KIAA1549: variants seen among roughly 807,000 people sequenced by gnomAD.
KIAA1549 encodes KIAA1549, also known as UPF0606 protein KIAA1549.
In KIAA1549, 70 loss-of-function variants were observed where a neutral mutation model predicts 156.4. The observed-to-expected ratio is 0.45, with a 90% CI of 0.37 to 0.55. KIAA1549 has a LOEUF of 0.55. Among genes scored for constraint, KIAA1549 ranks in the 20% least tolerant of loss-of-function variants. The pLI is 0.00. For missense variants in KIAA1549, 2,428 were observed against 2,540.9 expected, an observed-to-expected ratio of 0.96 and a Z score of 0.96; for synonymous variants, 1,103 against 1,066.4, an observed-to-expected ratio of 1.03 and a Z score of -0.67.
At position 138,831,416 on chromosome 7, in the gene KIAA1549, A is replaced by G. The variant is rs556052853; in HGVS notation, c.*6490T>C. 2 of 198,502 alleles carry G rather than the reference A, an allele frequency of 1.0e-5. No homozygotes were observed. The highest frequency in any genetic ancestry group is 2.1e-5 in the Non-Finnish European group (2 of 96,078). The allele number at this position is 198,502 out of a possible 1,614,324, so 12.3% of individuals were successfully genotyped here. A position where few individuals can be genotyped will look rare whatever the true frequency, so the allele number is the denominator to read the frequency against. ...ATTCATAGCATTTATTGACATTTCC[A>G]TTTAAAATGCTAGGAAAGCTGTATA... is the stretch of plus-strand genomic sequence containing the variant. On this transcript the variant is annotated 3_prime_UTR_variant, in exon 20 of 20. Coordinates refer to ENST00000422774, the MANE Select transcript of KIAA1549 (RefSeq NM_001164665.2).
At chr7:138,905,344 T>C (rs1297246293) in intron 6 of KIAA1549, among the ~76,000 whole-genome samples, 5 of 152,232 alleles carry the variant, frequency 3.3e-5, no homozygotes, top group African/African-American at 1.2e-4. Flanking sequence ...CAAGTTCTCC[T>C]TTGAATGTCA....
rs186365916 is a variant in KIAA1549 at position 138,835,230 on chromosome 7, A to G, written c.*2676T>C. 5.1e-5 allele frequency: 11 copies of G among 214,766 alleles called. No individual in the cohort carries two copies. The highest frequency in any genetic ancestry group is 2.0e-4 in the African/African-American group (9 of 44,366). The allele number at this position is 214,766 out of a possible 1,614,324, so 13.3% of individuals were successfully genotyped here. A position where few individuals can be genotyped will look rare whatever the true frequency, so the allele number is the denominator to read the frequency against. On this transcript the variant is annotated 3_prime_UTR_variant, in exon 20 of 20. Transcript: ENST00000422774. ...CAGCTAGTTTTTTCTGAGTTTGGTG[A>G]CTGGCAAAACTGTTGTGGCAGGCGT...
At chr7:138,908,249 T>G (rs1163836458) in intron 5 of KIAA1549, among the ~76,000 whole-genome samples, 2 of 151,410 alleles carry the variant, frequency 1.3e-5, no homozygotes, top group Non-Finnish European at 2.9e-5. Flanking sequence ...AGGAATGACT[T>G]AGGAAACAGA....
At chr7:138,958,559 G>A (rs1245362385) in intron 1 of KIAA1549, among the ~76,000 whole-genome samples, 2 of 152,144 alleles carry the variant, frequency 1.3e-5, no homozygotes, top group South Asian at 4.1e-4. Flanking sequence ...AAAGTTCTAT[G>A]ACTCAGGAGC....
chr7:138,913,580 A>C (rs926303734), intron 2 of KIAA1549, among the ~76,000 whole-genome samples: 1 of 152,248 alleles, frequency 6.6e-6, no homozygotes, highest in East Asian at 1.9e-4. Context: ...TTTTTAAAGT[A>C]GAGACAGAAT....
intron 16 of KIAA1549, 145 bp from the exon 17 acceptor site, chr7:138,852,414 TGCCAC>T (rs984370772): frequency 5.1e-5 from 29 of 573,134 alleles, no homozygotes; most frequent in Admixed American, 2.2e-4. Context: ...CCGGGCACTC[TGCCAC>T]CAAGTGATGC....
At chr7:138,950,781 T>C (rs980297822) in intron 1 of KIAA1549, among the ~76,000 whole-genome samples, 2 of 152,162 alleles carry the variant, frequency 1.3e-5, no homozygotes. Context: ...TCCAGGACTC[T>C]GGATCTCCCC....
Position 138,832,009 on chromosome 7 carries a change from C to T in KIAA1549, c.*5897G>A, listed in dbSNP as rs1809546415. ...AACAGTACAGCATATGCGACTTGAA[C>T]TTGGCCCTGTACTATTCCCAACTTG... On this transcript the variant is annotated 3_prime_UTR_variant, in exon 20 of 20. Coordinates refer to ENST00000422774, the MANE Select transcript of KIAA1549 (RefSeq NM_001164665.2). 2 of 231,616 alleles carry T rather than the reference C, an allele frequency of 8.6e-6. No homozygotes were observed. Among genetic ancestry groups the T allele is most frequent in the South Asian group, 1.8e-4 (1 of 5,514 alleles). The allele number at this position is 231,616 out of a possible 1,614,324, so 14.3% of individuals were successfully genotyped here. A position where few individuals can be genotyped will look rare whatever the true frequency, so the allele number is the denominator to read the frequency against.
chr7:138,931,748 A>G (rs111830200), intron 1 of KIAA1549, among the ~76,000 whole-genome samples: 6,509 of 111,694 alleles, frequency 0.058, 214 homozygotes, highest in African/African-American at 0.15. Flanking sequence ...CAAAAGTCCC[A>G]TCTCAAAAAA....
chr7:138,926,139 G>T (rs1287314189), intron 1 of KIAA1549, among the ~76,000 whole-genome samples: 2 of 152,158 alleles, frequency 1.3e-5, no homozygotes, highest in Non-Finnish European at 2.9e-5. Context: ...AAAACATGAT[G>T]AGTCATCTCA....
chr7:138,840,218 A>T lies in KIAA1549; in HGVS notation c.5513T>A (p.Val1838Glu). ...GIASRIGAQP[V>E]EIPPSRGSQY... ...GCTGCCTCTGCTTGGCGGGATTTCC[A>T]CTGGCTGAGCTCCAATTCTGCTGGC... The change falls in exon 19 of 20, where the codon GTG becomes GAG. Residue 1838 changes from valine to glutamate, a missense_variant. By Grantham distance (121) the Val-to-Glu change is moderately radical (BLOSUM62 -2). This residue lies in a region of KIAA1549 where 363 missense variants were observed against 354.0 expected (regional missense o/e 1.03). Coordinates refer to ENST00000422774, the MANE Select transcript of KIAA1549 (RefSeq NM_001164665.2). The T allele has an allele frequency of 6.3e-7, 1 of 1,582,168 alleles. No individual in the cohort carries two copies. The highest frequency in any genetic ancestry group is 8.6e-7 in the Non-Finnish European group (1 of 1,164,240).
At position 138,919,130 on chromosome 7, in the gene KIAA1549, A is replaced by T. The variant is rs1812458779; in HGVS notation, c.496T>A (p.Trp166Arg). Residue 166 changes from tryptophan (W) to arginine (R), a missense_variant, in exon 2 of 20, where the codon TGG becomes AGG. This residue lies in a region of KIAA1549 where 893 missense variants were observed against 847.9 expected (regional missense o/e 1.05). Transcript: ENST00000422774. ...EMDNFLPDTHWTTPRMVSPIQ... is the reference protein window; with the variant it reads ...EMDNFLPDTHRTTPRMVSPIQ... Reference sequence around the variant, plus strand: ...GGAGAAACCATCCGTGGAGTGGTCCAGTGAGTATCTGGCAGAAAGTTATCC... The same window carrying T: ...GGAGAAACCATCCGTGGAGTGGTCCTGTGAGTATCTGGCAGAAAGTTATCC... 1 of 1,613,922 alleles carries T rather than the reference A, an allele frequency of 6.2e-7. No individual in the cohort carries two copies. The highest frequency in any genetic ancestry group is 1.1e-5 in the South Asian group (1 of 91,086).
chr7:138,939,972 C>A lies in KIAA1549; in HGVS notation c.188-20534G>T, dbSNP rs111750399. ...GACCAGCCTGGGCAACATAGCAAGA[C>A]CCCATTTCTACAAAAAAAATTTTTT... On this transcript the variant is annotated intron_variant, in intron 1 of 19. Coordinates refer to ENST00000422774, the MANE Select transcript of KIAA1549 (RefSeq NM_001164665.2). Among the ~76,000 whole-genome samples the A allele has an allele frequency of 5.9e-3, 902 of 152,114 alleles. 7 individuals are homozygous for A. The highest frequency in any genetic ancestry group is 0.02 in the African/African-American group (833 of 41,498).
chr7:138,909,853 A>G (rs1034520024), intron 4 of KIAA1549, among the ~76,000 whole-genome samples: 7 of 152,056 alleles, frequency 4.6e-5, no homozygotes, highest in Non-Finnish European at 1.0e-4. Flanking sequence ...AGGCTCAGGC[A>G]AGAGAATTGC....
At chr7:138,860,330 T>C (rs927941283) in intron 16 of KIAA1549, among the ~76,000 whole-genome samples, 4 of 152,192 alleles carry the variant, frequency 2.6e-5, no homozygotes, top group African/African-American at 4.8e-5. Context: ...GCTCTTACTT[T>C]GAAAATTCAA....
In KIAA1549 at chr7:138,903,444, T is replaced by C. The variant is rs575416501; in HGVS notation, c.3669+144A>G. The C allele has an allele frequency of 8.9e-5, 72 of 809,378 alleles. 4 individuals carry two copies. The African/African-American group carries it at 1.1e-3, about 13-fold the overall frequency. 50.1% of individuals were successfully genotyped at this position (809,378 alleles called of 1,614,324 possible). A position where few individuals can be genotyped will look rare whatever the true frequency, so the allele number is the denominator to read the frequency against. On this transcript the variant is annotated intron_variant, in intron 8 of 19. Transcript: ENST00000422774. The stretch of plus-strand genomic sequence containing the variant: ...GCTGCCAGATTCAGTGGCTACCCAA[T>C]ATAGCGATCAGTGGAAATCAGAAAT...
chr7:138,979,216 C>G lies in KIAA1549; in HGVS notation c.187+1867G>C, dbSNP rs1490881799. Among the ~76,000 whole-genome samples the G allele has an allele frequency of 2.6e-5, 4 of 152,278 alleles. No homozygotes were observed. The South Asian group carries it at 8.3e-4, about 32-fold the overall frequency. ...TGGAAATATTATTAATTTCATGTCT[C>G]CAGGTTGAATATTTGTATTGGGGGT... On this transcript the variant is annotated intron_variant, in intron 1 of 19. Coordinates refer to ENST00000422774, the MANE Select transcript of KIAA1549 (RefSeq NM_001164665.2).
rs781559902 is a variant in KIAA1549, at chr7:138,918,928, C to T, written c.698G>A (p.Arg233Gln). Reference protein sequence around the residue: ...AESASHFHTFRSAFRTSEGIV... With the variant: ...AESASHFHTFQSAFRTSEGIV... ...GCCCTCAGAGGTGCGAAAAGCTGAC[C>T]GAAAGGTGTGGAAATGACTGGCGGA... The change falls in exon 2 of 20, where the codon CGG becomes CAG. Residue 233 changes from arginine (R) to glutamine (Q), a missense_variant. Arg to Gln is a conservative substitution (Grantham distance 43). Around this residue, in one of 5 missense-constraint regions of KIAA1549, gnomAD observed 893 missense variants for 847.9 expected, o/e 1.05. Transcript: ENST00000422774. This position sits in a 1 kb window ranked among gnomAD's most constrained non-coding sequence, Gnocchi z 4.2. 5.0e-6 allele frequency: 8 copies of T among 1,613,858 alleles called. No individual in the cohort carries two copies. The highest frequency in any genetic ancestry group is 5.9e-6 in the Non-Finnish European group (7 of 1,179,900).
chr7:138,871,414 G>A, intron 12 of KIAA1549, 52 bp from the exon 13 acceptor site: 2 of 1,425,544 alleles, frequency 1.4e-6, no homozygotes, highest in Non-Finnish European at 1.9e-6. Context: ...TAAAGAAACA[G>A]CAACTAATCA....
Sources: allele counts gnomAD v4.1 joint callset (sites outside exome capture counted in the v4.1 genomes callset), GRCh38; gene constraint gnomAD v4.1.1; regional missense constraint gnomAD v4.1.1; non-coding constraint Gnocchi (gnomAD v3.1); transcripts MANE v1.5; gene names NCBI Gene and HGNC (gene_info 2026-07-23, HGNC 2026-07-21).